The following LIFR variants were observed in gnomAD, a reference collection of about 807,000 sequenced individuals.
The protein encoded by LIFR is LIF receptor subunit alpha.
In LIFR, 84 loss-of-function variants were observed where a neutral mutation model predicts 122.2. The ratio of observed to expected loss-of-function variants is 0.69; its 90% CI spans 0.58 to 0.82. LIFR has a LOEUF of 0.82. LIFR is among the 40% of genes least tolerant of loss of function. LIFR has a pLI of 0.00. For synonymous variants in LIFR, 422 were observed against 434.7 expected (o/e 0.97, Z 0.36); for missense variants, 1,294 against 1,311.6 (o/e 0.99, Z 0.21).
chr5:38,554,409 TC>T (rs1292289128), intron 1 of LIFR, among the ~76,000 whole-genome samples: 1 of 152,186 alleles, frequency 6.6e-6, no homozygotes, highest in Non-Finnish European at 1.5e-5. Flanking sequence ...AATAACCAAA[TC>T]CACTTAAAAA....
At chr5:38,517,149 C>T (rs1328951674) in intron 5 of LIFR, among the ~76,000 whole-genome samples, 1 of 151,964 alleles carries the variant, frequency 6.6e-6, no homozygotes, top group African/African-American at 2.4e-5. Flanking sequence ...GGCACGTATA[C>T]ACCTATGTAA....
chr5:38,597,100 T>C (rs1750118467), upstream of LIFR, among the ~76,000 whole-genome samples: 1 of 152,160 alleles, frequency 6.6e-6, no homozygotes, highest in Admixed American at 6.5e-5. Flanking sequence ...GGGATGGAAG[T>C]ATTTGATGAG....
At chr5:38,548,335 T>C (rs1294554102) in intron 1 of LIFR, among the ~76,000 whole-genome samples, 2 of 152,242 alleles carry the variant, frequency 1.3e-5, no homozygotes, top group Non-Finnish European at 2.9e-5. Context: ...ATGTTCCTCA[T>C]ATACAGTAGT....
rs533737306 is a variant in LIFR at position 38,479,816 on chromosome 5, T to C, written c.*1779A>G. 112 of 229,660 alleles carry C rather than the reference T, an allele frequency of 4.9e-4. No homozygotes were observed. Among genetic ancestry groups the C allele is most frequent in the Non-Finnish European group, 8.2e-4 (95 of 115,808 alleles). 14.2% of individuals were successfully genotyped at this position (229,660 alleles called of 1,614,324 possible). A position where few individuals can be genotyped will look rare whatever the true frequency, so the allele number is the denominator to read the frequency against. ...GAACACTCTTTAGGGATGGCTCTGA[T>C]TGGATATATTTTTCATTACTGAACA... On this transcript the variant is annotated 3_prime_UTR_variant, in exon 20 of 20. Transcript: ENST00000453190.
intron 11 of LIFR, among the ~76,000 whole-genome samples, chr5:38,501,778 T>C (rs1344878253): frequency 6.6e-6 from 1 of 151,904 alleles, no homozygotes; most frequent in African/African-American, 2.4e-5. Context: ...TGAGTTTTTT[T>C]TTTTTTACAC....
At chr5:38,501,326 T>G (rs1347326265) in intron 11 of LIFR, among the ~76,000 whole-genome samples, 1 of 152,246 alleles carries the variant, frequency 6.6e-6, no homozygotes, top group Non-Finnish European at 1.5e-5. Flanking sequence ...CATGTCTTCA[T>G]GTGGAGAGGC....
At position 38,493,684 on chromosome 5, in the gene LIFR, T is replaced by C. The variant is rs1744719635; in HGVS notation, c.1987A>G (p.Asn663Asp). The change falls in exon 14 of 20, where the codon AAC becomes GAC. Residue 663 changes from asparagine to aspartate, a missense_variant. Physicochemically the swap from Asn to Asp is conservative, Grantham distance 23. Transcript: ENST00000453190. ...MTCDYVIKWC[N>D]SSRSEPCLMD... ...AGGCATGGTTCCGACCGAGACGAGT[T>C]ACACCACTTAATGACGTAGTCGCAA... 1.2e-6 allele frequency: 2 copies of C among 1,614,076 alleles called. No individual in the cohort carries two copies. The highest frequency in any genetic ancestry group is 1.1e-5 in the South Asian group (1 of 91,074).
intron 1 of LIFR, among the ~76,000 whole-genome samples, chr5:38,532,578 A>T (rs1747070964): frequency 6.6e-6 from 1 of 151,392 alleles, no homozygotes; most frequent in African/African-American, 2.5e-5. Context: ...CAGGGACAGA[A>T]GGATCAACGG....
Position 38,482,178 on chromosome 5 carries a change from G to A in LIFR, c.2711C>T (p.Thr904Ile), listed in dbSNP as rs1192652013. The A allele has an allele frequency of 6.9e-6, 11 of 1,594,824 alleles. No homozygotes were observed. In the Admixed American group the frequency reaches 2.0e-4, roughly 29 times the overall value. ...TTCCAGAACCTCAACATTATTTGGG[G>A]TACAAGGATTCATTTCCAATGTTTT... ...ALKTLEMNPC[T>I]PNNVEVLETR... Residue 904 changes from threonine (T) to isoleucine (I), a missense_variant, in exon 20 of 20, where the codon ACC (threonine) becomes ATC (isoleucine). By Grantham distance (89) the Thr-to-Ile change is moderately conservative. Transcript: ENST00000453190.
chr5:38,493,515 T>C, intron 14 of LIFR, 91 bp downstream of exon 14: 1 of 1,240,776 alleles, frequency 8.1e-7, no homozygotes, highest in South Asian at 1.2e-5. Flanking sequence ...CATCCAGCAG[T>C]AAAGAGAATC....
rs139687674 is a variant in LIFR at position 38,582,512 on chromosome 5, C to A, written c.-20+12749G>T. ...AGAGATATGCTATTTATGCAAACAG[C>A]CTTGGGCATTTATATATATATAATA... On this transcript the variant is annotated intron_variant, in intron 1 of 19. Coordinates refer to the LIFR transcript ENST00000263409. Among the ~76,000 whole-genome samples the A allele has an allele frequency of 4.1e-3, 621 of 152,132 alleles. 8 individuals carry two copies. Among genetic ancestry groups the A allele is most frequent in the African/African-American group, 0.014 (577 of 41,490 alleles).
intron 1 of LIFR, among the ~76,000 whole-genome samples, chr5:38,590,218 A>G (rs1449446551): frequency 6.6e-6 from 1 of 152,236 alleles, no homozygotes; most frequent in Non-Finnish European, 1.5e-5. Context: ...TATGATGAGT[A>G]GAGACAGATC....
chr5:38,523,082 T>C (rs550695943), intron 5 of LIFR, among the ~76,000 whole-genome samples: 1 of 152,250 alleles, frequency 6.6e-6, no homozygotes, highest in Non-Finnish European at 1.5e-5. Context: ...AAAGGTAAAA[T>C]AATACACTAA....
chr5:38,497,479 T>A (rs1744944068), intron 12 of LIFR, among the ~76,000 whole-genome samples: 1 of 152,234 alleles, frequency 6.6e-6, no homozygotes, highest in Non-Finnish European at 1.5e-5. Flanking sequence ...GCAAAACTTT[T>A]AAAACTATCC....
Position 38,480,760 on chromosome 5 carries a change from T to C in LIFR, c.*835A>G, listed in dbSNP as rs1743945274. The C allele has an allele frequency of 4.7e-6, 1 of 211,988 alleles. No individual in the cohort carries two copies. 13.1% of individuals were successfully genotyped at this position (211,988 alleles called of 1,614,324 possible). ...ATTTGCTCATATAAAGCTGTCACTG[T>C]ATCACAAAATAAAATGATTTTTAAA... On this transcript the variant is annotated 3_prime_UTR_variant, in exon 20 of 20. Coordinates refer to ENST00000453190, the MANE Select transcript of LIFR (RefSeq NM_001127671.2).
intron 17 of LIFR, among the ~76,000 whole-genome samples, chr5:38,485,357 G>A (rs1245409967): frequency 6.6e-6 from 1 of 152,158 alleles, no homozygotes; most frequent in Non-Finnish European, 1.5e-5. Flanking sequence ...CAGGGGTAGA[G>A]GATAAGCCTA....
chr5:38,581,856 G>A (rs375184025), intron 1 of LIFR, among the ~76,000 whole-genome samples: 2 of 152,048 alleles, frequency 1.3e-5, no homozygotes, highest in African/African-American at 2.4e-5. Context: ...ATGTGATCTC[G>A]CACAGTATCC....
intron 16 of LIFR, among the ~76,000 whole-genome samples, chr5:38,487,246 G>A (rs1334987423): frequency 6.6e-6 from 1 of 152,172 alleles, no homozygotes; most frequent in Non-Finnish European, 1.5e-5. Flanking sequence ...CTTGAGAAAA[G>A]CAACATGGGG....
In LIFR at chr5:38,479,637, G is replaced by T; in HGVS notation, c.*1958C>A. ...CTTGTCCTGGAGAGATAAAGTACGG[G>T]ATTGATACATTTCAACAGGGAACAA... On this transcript the variant is annotated 3_prime_UTR_variant, in exon 20 of 20. Coordinates refer to ENST00000453190, the MANE Select transcript of LIFR (RefSeq NM_001127671.2). 4.3e-6 allele frequency: 1 copy of T among 230,430 alleles called. No homozygotes were observed. Among genetic ancestry groups the T allele is most frequent in the Non-Finnish European group, 8.6e-6 (1 of 116,346 alleles). The allele number at this position is 230,430 out of a possible 1,614,324, so 14.3% of individuals were successfully genotyped here.
Sources: gnomAD v4.1 joint callset for allele counts (sites outside exome capture counted in the v4.1 genomes callset) on GRCh38, gnomAD v4.1.1 for gene constraint, MANE v1.5 for transcripts, NCBI Gene and HGNC (gene_info 2026-07-23, HGNC 2026-07-21) for gene names.